RRM2: variants seen among roughly 807,000 people sequenced by gnomAD.
RRM2 encodes ribonucleotide reductase regulatory subunit M2.
RRM2 carries 6 observed loss-of-function variants against 45.9 expected under a neutral mutation model. The ratio of observed to expected loss-of-function variants is 0.13; its 90% CI spans 0.07 to 0.26. The LOEUF (loss-of-function observed/expected upper bound fraction) is 0.26. Ranked by LOEUF, RRM2 falls within the 10% of genes least tolerant of loss-of-function variation. The pLI, the probability that RRM2 is intolerant of heterozygous loss-of-function variation, is 1.00. For synonymous variants in RRM2, 177 were observed against 173.0 expected, an observed-to-expected ratio of 1.02 and a Z score of -0.18; for missense variants, 343 against 489.5, an observed-to-expected ratio of 0.70 and a Z score of 2.82.
downstream of RRM2, among the ~76,000 whole-genome samples, chr2:10,136,143 C>A (rs939236567): frequency 1.6e-4 from 25 of 152,278 alleles, no homozygotes; most frequent in African/African-American, 5.8e-4. Flanking sequence ...GGGGCTGGGG[C>A]AAGCCTGGAT....
intron 3 of RRM2, among the ~76,000 whole-genome samples, chr2:10,164,970 C>G (rs919356132): frequency 6.6e-6 from 1 of 152,156 alleles, no homozygotes; most frequent in South Asian, 2.1e-4. Flanking sequence ...TGAATTCTGC[C>G]GCACAGAGGG....
intron 3 of RRM2, among the ~76,000 whole-genome samples, chr2:10,180,009 C>T (rs994236016): frequency 1.3e-5 from 2 of 152,222 alleles, no homozygotes; most frequent in African/African-American, 4.8e-5. Context: ...GTGAGAGCGG[C>T]CCCACCAATG....
At chr2:10,209,350 A>T (rs1466785735) in intron 3 of RRM2, among the ~76,000 whole-genome samples, 1 of 151,676 alleles carries the variant, frequency 6.6e-6, no homozygotes, top group Non-Finnish European at 1.5e-5. Flanking sequence ...GAGCCACCGC[A>T]CCCAGCCTGG....
Position 10,127,065 on chromosome 2 carries a change from G to C in RRM2, c.665-22G>C. The C allele has an allele frequency of 1.9e-6, 3 of 1,613,264 alleles. No homozygotes were observed. Among genetic ancestry groups the C allele is most frequent in the Non-Finnish European group, 2.5e-6 (3 of 1,179,240 alleles). ...TTGAATACCAACTCACTAGAATCAT[G>C]TTGGTGTTAACTCCTAAATAGGTGA... On this transcript the variant is annotated intron_variant, in intron 6 of 9. Coordinates refer to ENST00000304567, the MANE Select transcript of RRM2 (RefSeq NM_001034.4). The surrounding 1 kb of genome is among the most constrained non-coding windows in gnomAD (Gnocchi z 4.1).
rs1663546660 is a variant in RRM2, at chr2:10,161,090, CAG to C, written n.482+18716_482+18717del. 2.0e-5 allele frequency among the ~76,000 whole-genome samples: 3 copies of C among 152,188 alleles called. No individual in the cohort carries two copies. In the South Asian group the frequency reaches 6.2e-4, roughly 32 times the overall value. On this transcript the variant is annotated intron_variant and non_coding_transcript_variant, in intron 3 of 3. Transcript: ENST00000381786. ...TCTTTTTTTGTTTTGTTTTTTGACA[CAG>C]GGTCTCGCTCTGTGGCCCAGGCTGG...
At chr2:10,167,117 C>G (rs1034905550) in intron 3 of RRM2, among the ~76,000 whole-genome samples, 2 of 152,178 alleles carry the variant, frequency 1.3e-5, no homozygotes, top group Non-Finnish European at 2.9e-5. Context: ...CAGCTGCTCT[C>G]GAGACACGCC....
chr2:10,126,188 A>G (rs1220033232), intron 5 of RRM2, among the ~76,000 whole-genome samples: 5 of 18,378 alleles, frequency 2.7e-4, no homozygotes, highest in Non-Finnish European at 7.3e-4. Context: ...AAAAAAAAAA[A>G]AAAAGCTGCC....
intron 3 of RRM2, chr2:10,155,301 G>C (rs1158680042): frequency 6.1e-6 from 1 of 164,858 alleles, no homozygotes; most frequent in Non-Finnish European, 1.3e-5. Context: ...TTGTACATCT[G>C]AGTATTATTG....
chr2:10,142,013 A>T (rs1237145828), intron 2 of RRM2: 3 of 1,575,992 alleles, frequency 1.9e-6, no homozygotes, highest in Admixed American at 1.9e-5. Context: ...GGGGCGGGCT[A>T]TGCCCCTTGC....
chr2:10,193,245 G>C (rs781204235), intron 3 of RRM2, among the ~76,000 whole-genome samples: 1 of 152,158 alleles, frequency 6.6e-6, no homozygotes, highest in Non-Finnish European at 1.5e-5. Flanking sequence ...CATTGCATTT[G>C]GGAAGCCCTG....
At chr2:10,138,455 CTG>C (rs1321098001), upstream of RRM2, among the ~76,000 whole-genome samples, 2 of 152,158 alleles carry the variant, frequency 1.3e-5, no homozygotes, top group Admixed American at 6.5e-5. Context: ...CCATTAGCCA[CTG>C]TGCCTGGCCA....
intron 3 of RRM2, among the ~76,000 whole-genome samples, chr2:10,148,131 G>A (rs1286814662): frequency 8.0e-6 from 1 of 124,782 alleles, no homozygotes; most frequent in Admixed American, 1.0e-4. Context: ...GCAACAGAGT[G>A]AGACCCTGAC....
intron 3 of RRM2, among the ~76,000 whole-genome samples, chr2:10,188,009 G>A (rs943156098): frequency 6.6e-6 from 1 of 152,178 alleles, no homozygotes; most frequent in African/African-American, 2.4e-5. Context: ...GGGGTCTAGC[G>A]ATCTGTGCGT....
At chr2:10,135,381 A>T (rs1662970579), downstream of RRM2, among the ~76,000 whole-genome samples, 1 of 152,320 alleles carries the variant, frequency 6.6e-6, no homozygotes, top group South Asian at 2.1e-4. Flanking sequence ...CAAGGTCTTT[A>T]TACTATTAGG....
chr2:10,150,974 C>T (rs1044366013), intron 3 of RRM2, among the ~76,000 whole-genome samples: 9 of 151,334 alleles, frequency 5.9e-5, no homozygotes, highest in South Asian at 2.1e-4. Flanking sequence ...CTACCACGCC[C>T]GACTAATTTT....
intron 3 of RRM2, among the ~76,000 whole-genome samples, chr2:10,160,518 G>T (rs1224420914): frequency 3.3e-5 from 5 of 152,232 alleles, no homozygotes; most frequent in Admixed American, 3.3e-4. Context: ...GGGAGAGGAG[G>T]CTGGCATGGG....
chr2:10,145,070 C>T lies in RRM2; in HGVS notation n.482+2695C>T, dbSNP rs138444763. On this transcript the variant is annotated intron_variant and non_coding_transcript_variant, in intron 3 of 3. Coordinates refer to the RRM2 transcript ENST00000381786. ...GGAGTCTGTGGGAGAGTGGAAGCTG[C>T]GGGAGGGAAAGGAGGGAGGGAAGGA... Among the ~76,000 whole-genome samples the T allele has an allele frequency of 6.2e-3, 943 of 151,952 alleles. 15 individuals carry two copies. Among genetic ancestry groups the T allele is most frequent in the African/African-American group, 0.021 (864 of 41,436 alleles).
chr2:10,200,641 A>G lies in RRM2; in HGVS notation n.483-9670A>G, dbSNP rs542258028. The stretch of plus-strand genomic sequence containing the variant: ...CGCGCGCGCAAAATATGAGGCCCAC[A>G]GGCACCGCGCACACAAAATATGAGG... On this transcript the variant is annotated intron_variant and non_coding_transcript_variant, in intron 3 of 3. Coordinates refer to the RRM2 transcript ENST00000381786. 1.8e-4 allele frequency among the ~76,000 whole-genome samples: 17 copies of G among 94,254 alleles called. 2 individuals carry two copies. The highest frequency in any genetic ancestry group is 4.7e-4 in the African/African-American group (11 of 23,382). The allele number at this position is 94,254 out of a possible 152,430, so 61.8% of individuals were successfully genotyped here. A position where few individuals can be genotyped will look rare whatever the true frequency, so the allele number is the denominator to read the frequency against.
At chr2:10,175,941 C>A (rs931598498) in intron 3 of RRM2, among the ~76,000 whole-genome samples, 10 of 152,196 alleles carry the variant, frequency 6.6e-5, no homozygotes, top group African/African-American at 2.4e-4. Context: ...TAGGTACCTC[C>A]TATGGGTGGA....
Sources: gnomAD v4.1 joint callset for allele counts (sites outside exome capture counted in the v4.1 genomes callset) on GRCh38, gnomAD v4.1.1 for gene constraint, Gnocchi (gnomAD v3.1) non-coding constraint, MANE v1.5 for transcripts, NCBI Gene and HGNC (gene_info 2026-07-23, HGNC 2026-07-21) for gene names.